KCND2: variants seen among roughly 807,000 people sequenced by gnomAD.
KCND2 encodes potassium voltage-gated channel subfamily D member 2.
In KCND2, 16 loss-of-function variants were observed where a neutral mutation model predicts 54.4. That is an observed-to-expected ratio of 0.29 (90% confidence interval 0.20 to 0.45). The LOEUF is 0.45. KCND2 is among the 20% of genes least tolerant of loss of function. KCND2 has a pLI of 1.00. For synonymous variants in KCND2, 317 were observed against 310.7 expected, an observed-to-expected ratio of 1.02 and a Z score of -0.21; for missense variants, 486 against 824.2, an observed-to-expected ratio of 0.59 and a Z score of 5.02.
chr7:120,357,937 A>AT (rs1439452818), intron 1 of KCND2, among the ~76,000 whole-genome samples: 8 of 152,126 alleles, frequency 5.3e-5, no homozygotes, highest in African/African-American at 1.9e-4. Context: ...CAGCTTCATC[A>AT]TATGAAGTTT....
intron 1 of KCND2, among the ~76,000 whole-genome samples, chr7:120,683,367 G>T (rs1247656653): frequency 6.6e-6 from 1 of 152,062 alleles, no homozygotes; most frequent in African/African-American, 2.4e-5. Context: ...GTATCCTAGA[G>T]ACCCTGTTGT....
chr7:120,580,622 A>G (rs1425881540), intron 1 of KCND2, among the ~76,000 whole-genome samples: 1 of 152,244 alleles, frequency 6.6e-6, no homozygotes, highest in East Asian at 1.9e-4. Context: ...GAACACATTT[A>G]CAATTCACTT....
intron 1 of KCND2, among the ~76,000 whole-genome samples, chr7:120,665,144 T>G (rs1791909729): frequency 6.6e-6 from 1 of 152,088 alleles, no homozygotes; most frequent in Non-Finnish European, 1.5e-5. Flanking sequence ...GCTGCTCATG[T>G]TATAGTGCAA....
intron 1 of KCND2, among the ~76,000 whole-genome samples, chr7:120,625,455 T>C (rs1367900515): frequency 2.6e-5 from 4 of 152,234 alleles, no homozygotes; most frequent in Admixed American, 2.0e-4. Flanking sequence ...ATTGGTTTCA[T>C]ACATATGTTG....
intron 1 of KCND2, among the ~76,000 whole-genome samples, chr7:120,283,765 C>T (rs561135294): frequency 6.6e-6 from 1 of 152,080 alleles, no homozygotes; most frequent in Non-Finnish European, 1.5e-5. Flanking sequence ...ATTTTGAATT[C>T]TAGTTAAAGG....
chr7:120,451,845 A>G (rs955731744), intron 1 of KCND2, among the ~76,000 whole-genome samples: 1 of 152,148 alleles, frequency 6.6e-6, no homozygotes, highest in African/African-American at 2.4e-5. Flanking sequence ...AATTCTAGAA[A>G]TCTCACCAGC....
intron 1 of KCND2, among the ~76,000 whole-genome samples, chr7:120,649,453 C>A (rs557853773): frequency 2.4e-4 from 37 of 152,290 alleles, no homozygotes; most frequent in African/African-American, 8.9e-4. Context: ...AAAGAATTTT[C>A]TCCCATTCTG....
intron 1 of KCND2, among the ~76,000 whole-genome samples, chr7:120,330,757 A>G (rs1800055916): frequency 6.6e-6 from 1 of 152,120 alleles, no homozygotes; most frequent in African/African-American, 2.4e-5. Flanking sequence ...ATGAAAAATT[A>G]TAGAATAATC....
intron 1 of KCND2, among the ~76,000 whole-genome samples, chr7:120,498,104 C>G (rs1213405787): frequency 6.6e-6 from 1 of 152,190 alleles, no homozygotes; most frequent in Non-Finnish European, 1.5e-5. Flanking sequence ...GGTAACACTT[C>G]TATTGAAATA....
intron 1 of KCND2, among the ~76,000 whole-genome samples, chr7:120,394,349 C>T (rs1301771432): frequency 6.6e-6 from 1 of 151,776 alleles, no homozygotes; most frequent in Non-Finnish European, 1.5e-5. Context: ...GCTGGAGGGG[C>T]CACAAGACTA....
chr7:120,679,288 G>T (rs1025477796), intron 1 of KCND2, among the ~76,000 whole-genome samples: 3 of 151,318 alleles, frequency 2.0e-5, no homozygotes, highest in Admixed American at 6.6e-5. Flanking sequence ...GAGTTTTGTT[G>T]CCCCAAAGCT....
At chr7:120,496,721 G>A (rs530133324) in intron 1 of KCND2, among the ~76,000 whole-genome samples, 19 of 152,244 alleles carry the variant, frequency 1.2e-4, no homozygotes, top group Admixed American at 9.2e-4. Context: ...ACCGTGCCCG[G>A]CCTTCTTAAA....
rs1192448032 is a variant in KCND2, at chr7:120,748,610, G to A, written c.*752G>A. 1 of 152,348 alleles carries A rather than the reference G, an allele frequency of 6.6e-6. No homozygotes were observed. Among genetic ancestry groups the A allele is most frequent in the Non-Finnish European group, 1.5e-5 (1 of 67,886 alleles). The allele number at this position is 152,348 out of a possible 1,614,324, so 9.4% of individuals were successfully genotyped here. ...ACTGTTACAACTGCAATAATTTGTT[G>A]TACAACTGTTGTATCAGGAATCAGG... On this transcript the variant is annotated 3_prime_UTR_variant, in exon 6 of 6. Transcript: ENST00000331113.
chr7:120,659,928 T>C (rs1349573195), intron 1 of KCND2, among the ~76,000 whole-genome samples: 1 of 152,142 alleles, frequency 6.6e-6, no homozygotes, highest in Non-Finnish European at 1.5e-5. Context: ...CAAATTTAAT[T>C]AAGGAAAATA....
chr7:120,608,102 T>C (rs1190032873), intron 1 of KCND2, among the ~76,000 whole-genome samples: 1 of 151,968 alleles, frequency 6.6e-6, no homozygotes, highest in Non-Finnish European at 1.5e-5. Context: ...TTTATATGTG[T>C]ATAAATATTT....
At chr7:120,467,763 G>T (rs756596324) in intron 1 of KCND2, among the ~76,000 whole-genome samples, 4 of 152,002 alleles carry the variant, frequency 2.6e-5, no homozygotes, top group Non-Finnish European at 4.4e-5. Context: ...CACAACACAC[G>T]TTCTACTAAG....
chr7:120,281,176 A>G (rs1238847941), intron 1 of KCND2, among the ~76,000 whole-genome samples: 2 of 152,106 alleles, frequency 1.3e-5, no homozygotes, highest in Non-Finnish European at 2.9e-5. Context: ...CTTCTCTTTC[A>G]TTGAAAGAAC....
chr7:120,393,462 C>G (rs1801107885), intron 1 of KCND2, among the ~76,000 whole-genome samples: 1 of 151,922 alleles, frequency 6.6e-6, no homozygotes, highest in Non-Finnish European at 1.5e-5. Context: ...ATTCACTTCT[C>G]ATTGTTCTTT....
chr7:120,326,890 A>G (rs1206733125), intron 1 of KCND2, among the ~76,000 whole-genome samples: 3 of 152,110 alleles, frequency 2.0e-5, no homozygotes, highest in Non-Finnish European at 1.5e-5. Flanking sequence ...GAACTATCTA[A>G]TAAGTGCAGA....
Sources: gnomAD v4.1 joint callset for allele counts (sites outside exome capture counted in the v4.1 genomes callset) on GRCh38, gnomAD v4.1.1 for gene constraint, MANE v1.5 for transcripts, NCBI Gene and HGNC (gene_info 2026-07-23, HGNC 2026-07-21) for gene names.